Variants in TAF1 observed in about 807,000 individuals in gnomAD.
TAF1 encodes the protein transcription initiation factor TFIID subunit 1.
TAF1 carries 2 observed loss-of-function variants against 138.5 expected under a neutral mutation model. That is an observed-to-expected ratio of 0.01 (90% CI 0.01 to 0.05). The LOEUF is 0.05. Ranked by LOEUF, TAF1 falls within the 10% of genes least tolerant of loss-of-function variation. The pLI is 1.00. For synonymous variants in TAF1, 437 were observed against 503.2 expected (o/e 0.87, Z 1.76); for missense variants, 709 against 1,478.0 (o/e 0.48, Z 8.53).
intron 13 of TAF1, among the ~76,000 whole-genome samples, chrX:71,495,225 C>T (rs2039374518): frequency 8.9e-6 from 1 of 111,886 alleles, no homozygotes; most frequent in Non-Finnish European, 1.9e-5. Flanking sequence ...GGCCAAAGGG[C>T]CAGCAGGTTG....
intron 28 of TAF1, among the ~76,000 whole-genome samples, chrX:71,418,155 A>C (rs769221770): frequency 1.2e-4 from 13 of 112,250 alleles, no homozygotes; most frequent in Non-Finnish European, 2.3e-4. Flanking sequence ...GTGCAGTGGC[A>C]CAATCTTGGC....
At position 71,366,501 on chromosome X, in the gene TAF1, G is replaced by C. The variant is rs1343553121; in HGVS notation, c.120+7G>C. The C allele has an allele frequency of 9.0e-7, 1 of 1,113,938 alleles. No homozygotes were observed. The highest frequency in any genetic ancestry group is 1.2e-6 in the Non-Finnish European group (1 of 835,430). The allele number at this position is 1,113,938 out of a possible 1,213,427, so 91.8% of individuals were successfully genotyped here. ...GGAAAGCGTCTTGGATGATGTGAGG[G>C]GGTGGGCGTGGGGGTAGGGCTCGGG... is the stretch of plus-strand genomic sequence containing the variant. On this transcript the variant is annotated splice_region_variant and intron_variant, in intron 1 of 37. Transcript: ENST00000423759.
In TAF1 at chrX:71,421,367, A is replaced by G. The variant is rs1852932635; in HGVS notation, c.4443A>G (p.Lys1481=). The G allele has an allele frequency of 8.4e-7, 1 of 1,196,594 alleles. No individual in the cohort carries two copies. The highest frequency in any genetic ancestry group is 1.8e-5 in the African/African-American group (1 of 55,563). The change falls in exon 29 of 38, where the codon AAA becomes AAG. Residue 1481 remains lysine, a synonymous_variant. Transcript: ENST00000423759. ...SQSMLDLCDE[K]LKEKEDKLAR... ...CCATGCTGGATCTCTGTGATGAAAA[A>G]CTCAAAGAGGTAAGACAGTTAGAAT...
In TAF1 at chrX:71,377,143, G is replaced by A. The variant is rs753944450; in HGVS notation, c.666G>A (p.Lys222=). The A allele has an allele frequency of 8.5e-5, 103 of 1,209,755 alleles. No individual in the cohort carries two copies. The highest frequency in any genetic ancestry group is 4.2e-5 in the Non-Finnish European group (38 of 895,262). ...LAGIMQHDAT[K]LLPSVTELFP... ...GGATTATGCAGCATGATGCCACCAA[G>A]CTGTTGCCAAGTGTCACAGAACTTT... The change falls in exon 5 of 38, where the codon AAG becomes AAA. Residue 222 remains lysine (K), a synonymous_variant. Transcript: ENST00000423759.
At chrX:71,495,152 C>T in intron 13 of TAF1, among the ~76,000 whole-genome samples, 1 of 111,844 alleles carries the variant, frequency 8.9e-6, no homozygotes, top group South Asian at 3.7e-4. Flanking sequence ...CTAACTACTT[C>T]CTGCTGGATA....
chrX:71,509,969 ACT>A (rs55685132), intron 13 of TAF1, among the ~76,000 whole-genome samples: 13,898 of 108,996 alleles, frequency 0.13, 913 homozygotes, highest in Non-Finnish European at 0.19. Context: ...ACAGAGTGAG[ACT>A]CTGTCTCAAA....
Position 71,398,558 on chromosome X carries a change from C to T in TAF1, c.3621-14C>T. 1 of 1,208,765 alleles carries T rather than the reference C, an allele frequency of 8.3e-7. No homozygotes were observed. Among genetic ancestry groups the T allele is most frequent in the African/African-American group, 1.7e-5 (1 of 57,646 alleles). On this transcript the variant is annotated splice_polypyrimidine_tract_variant and intron_variant, in intron 23 of 37. Coordinates refer to ENST00000423759, the MANE Select transcript of TAF1 (RefSeq NM_004606.5). The stretch of plus-strand genomic sequence containing the variant: ...TCCTGTGATTTTTCTTCCTCTGCTG[C>T]TCACACTGTTCAGTCGAAAATTTGC...
chrX:71,463,476 CAA>C (rs1326579291), intron 37 of TAF1, among the ~76,000 whole-genome samples: 1 of 110,463 alleles, frequency 9.1e-6, no homozygotes, highest in Non-Finnish European at 1.9e-5. Context: ...GGGATAGAGA[CAA>C]GATATATTGA....
At position 71,465,291 on chromosome X, in the gene TAF1, T is replaced by A. The variant is rs749780824; in HGVS notation, c.*1245T>A. The A allele has an allele frequency of 8.9e-6, 1 of 111,994 alleles. No individual in the cohort carries two copies. The highest frequency in any genetic ancestry group is 2.8e-4 in the East Asian group (1 of 3,598). The allele number at this position is 111,994 out of a possible 1,213,427, so 9.2% of individuals were successfully genotyped here. The stretch of plus-strand genomic sequence containing the variant: ...TCATAGTACTGTGAGATAAGTGCAA[T>A]TAAGAAGCTAGTTATAAAGTATAGG... On this transcript the variant is annotated 3_prime_UTR_variant, in exon 38 of 38. Transcript: ENST00000423759.
intron 14 of TAF1, among the ~76,000 whole-genome samples, chrX:71,529,002 A>G (rs1176157017): frequency 9.0e-6 from 1 of 111,114 alleles, no homozygotes; most frequent in Non-Finnish European, 1.9e-5. Flanking sequence ...TAATTGGTGC[A>G]TTTTACAGAG....
At chrX:71,428,398 G>A (rs965922919) in intron 32 of TAF1, among the ~76,000 whole-genome samples, 2 of 111,639 alleles carry the variant, frequency 1.8e-5, no homozygotes, top group Admixed American at 1.9e-4. Context: ...ATAAATTGTT[G>A]AGTGAACAGA....
chrX:71,403,293 T>A (rs2148454330), intron 25 of TAF1, among the ~76,000 whole-genome samples: 1 of 111,874 alleles, frequency 8.9e-6, no homozygotes, highest in Non-Finnish European at 1.9e-5. Context: ...CTTCCCAAAG[T>A]GCTGTGACTA....
chrX:71,447,225 GATA>G (rs1430332998), intron 32 of TAF1, among the ~76,000 whole-genome samples: 1 of 111,023 alleles, frequency 9.0e-6, no homozygotes. Flanking sequence ...CCACTGTCAA[GATA>G]ATAATTTATG....
chrX:71,512,674 C>T (rs1250751336), intron 13 of TAF1, among the ~76,000 whole-genome samples: 3 of 110,934 alleles, frequency 2.7e-5, no homozygotes, highest in African/African-American at 6.6e-5. Context: ...AAAAATTTGC[C>T]GGGCATGGTG....
intron 18 of TAF1, among the ~76,000 whole-genome samples, chrX:71,391,451 A>G (rs1451474024): frequency 3.6e-5 from 4 of 110,307 alleles, no homozygotes; most frequent in Non-Finnish European, 5.7e-5. Context: ...GGGGAGGCCA[A>G]GGTGGGAGGG....
At chrX:71,528,030 G>A in intron 13 of TAF1, 1 of 182,582 alleles carries the variant, frequency 5.5e-6, no homozygotes, top group Non-Finnish European at 1.0e-5. Context: ...ATTTTCCAGA[G>A]TCCCTGGTTG....
At chrX:71,444,712 G>A (rs778267443) in intron 32 of TAF1, among the ~76,000 whole-genome samples, 8 of 110,681 alleles carry the variant, frequency 7.2e-5, no homozygotes, top group Non-Finnish European at 1.3e-4. Flanking sequence ...AGGTGTTTGA[G>A]TCCCCAGGTG....
chrX:71,444,641 C>T (rs747815284), intron 32 of TAF1, among the ~76,000 whole-genome samples: 6 of 111,437 alleles, frequency 5.4e-5, no homozygotes, highest in Admixed American at 9.5e-5. Flanking sequence ...TGCTTGAGCC[C>T]GGGAGGTCAA....
rs1161129315 is a variant in TAF1, at chrX:71,503,298, GTATA to G, written c.1367-25224_1367-25221del. On this transcript the variant is annotated intron_variant and NMD_transcript_variant, in intron 13 of 14. Coordinates refer to the TAF1 transcript ENST00000373775. ...AAAAAATATATATATATATATATGT[GTATA>G]TATATATATATATATATATGTGTGT... Among the ~76,000 whole-genome samples, 114 of 80,252 alleles carry G rather than the reference GTATA, an allele frequency of 1.4e-3. 2 individuals are homozygous for G. Among genetic ancestry groups the G allele is most frequent in the African/African-American group, 2.8e-3 (57 of 20,111 alleles). The allele number at this position is 80,252 out of a possible 115,157, so 69.7% of individuals were successfully genotyped here. A position where few individuals can be genotyped will look rare whatever the true frequency, so the allele number is the denominator to read the frequency against.
Sources: gnomAD v4.1 joint callset for allele counts (sites outside exome capture counted in the v4.1 genomes callset) on GRCh38, gnomAD v4.1.1 for gene constraint, MANE v1.5 for transcripts, NCBI Gene and HGNC (gene_info 2026-07-23, HGNC 2026-07-21) for gene names.